The following CMIP variants were observed in gnomAD, a reference collection of about 807,000 sequenced individuals.
CMIP encodes the protein C-Maf-inducing protein.
In CMIP, 13 loss-of-function variants were observed where a neutral mutation model predicts 97.3. The observed-to-expected ratio is 0.13, with a 90% confidence interval of 0.09 to 0.21. The LOEUF (loss-of-function observed/expected upper bound fraction) is 0.21. Ranked by LOEUF, CMIP falls within the 10% of genes least tolerant of loss-of-function variation. CMIP has a pLI of 1.00. For missense variants in CMIP, 847 were observed against 1,024.9 expected, an observed-to-expected ratio of 0.83 and a Z score of 2.37; for synonymous variants, 538 against 436.3, an observed-to-expected ratio of 1.23 and a Z score of -2.91.
chr16:81,630,043 C>T (rs2092132803), intron 3 of CMIP: 1 of 152,246 alleles, frequency 6.6e-6, no homozygotes, highest in South Asian at 2.1e-4. Flanking sequence ...CGCTTCAGGG[C>T]CAGACTGCCC....
intron 3 of CMIP, among the ~76,000 whole-genome samples, chr16:81,643,959 G>C (rs749687610): frequency 6.6e-6 from 1 of 152,120 alleles, no homozygotes; most frequent in African/African-American, 2.4e-5. Flanking sequence ...TAAAGCCCCT[G>C]TGTGATTCCC....
At chr16:81,598,953 A>T (rs1597131681) in intron 1 of CMIP, among the ~76,000 whole-genome samples, 2 of 139,702 alleles carry the variant, frequency 1.4e-5, no homozygotes, top group African/African-American at 5.6e-5. Flanking sequence ...TGAGTGACAG[A>T]GCAAGACTCT....
rs917679288 is a variant in CMIP, at chr16:81,704,013, T to C, written c.2019T>C (p.Asn673=). 4.4e-6 allele frequency: 7 copies of C among 1,604,700 alleles called. No homozygotes were observed. Among genetic ancestry groups the C allele is most frequent in the African/African-American group, 1.3e-5 (1 of 74,494 alleles). ...NLENLSLAFT[N]VTSACAEHLI... ...AGAACCTCAGTTTGGCCTTCACCAA[T>C]GTAACCAGTGCCTGCGCCGAGCACC... is the stretch of plus-strand genomic sequence containing the variant. Residue 673 remains asparagine (N), a synonymous_variant, in exon 18 of 21, where the codon AAT becomes AAC. Transcript: ENST00000537098.
Position 81,452,864 on chromosome 16 carries a change from CTTTTGTTTTTTTTTTG to C in CMIP, c.300+7339_300+7354del, listed in dbSNP as rs1332868587. Among the ~76,000 whole-genome samples the C allele has an allele frequency of 2.7e-3, 328 of 122,454 alleles. 4 individuals carry two copies. Among genetic ancestry groups the C allele is most frequent in the Non-Finnish European group, 4.4e-3 (250 of 57,162 alleles). The allele number at this position is 122,454 out of a possible 152,430, so 80.3% of individuals were successfully genotyped here. ...CTTTTGCTTCTGTTGTGTGTTTTTT[CTTTTGTTTTTTTTTTG>C]TTTTGTTTTTTTTTTTTTTTTTTTG... On this transcript the variant is annotated intron_variant, in intron 1 of 20. Transcript: ENST00000537098.
At chr16:81,457,855 G>C (rs543770553) in intron 1 of CMIP, among the ~76,000 whole-genome samples, 1 of 152,188 alleles carries the variant, frequency 6.6e-6, no homozygotes, top group African/African-American at 2.4e-5. Context: ...GCCAAGAGCC[G>C]GTGGGCCACG....
At chr16:81,563,606 G>C (rs1245039913) in intron 1 of CMIP, among the ~76,000 whole-genome samples, 1 of 152,190 alleles carries the variant, frequency 6.6e-6, no homozygotes, top group Non-Finnish European at 1.5e-5. Context: ...GGTGTGGACT[G>C]AGCAAGGTGG....
At chr16:81,585,607 A>G (rs898850654) in intron 1 of CMIP, among the ~76,000 whole-genome samples, 1 of 152,198 alleles carries the variant, frequency 6.6e-6, no homozygotes, top group African/African-American at 2.4e-5. Flanking sequence ...ATTTAGGATC[A>G]CATTTTCAAG....
intron 1 of CMIP, among the ~76,000 whole-genome samples, chr16:81,546,024 C>T (rs1450308376): frequency 2.0e-5 from 3 of 152,082 alleles, no homozygotes; most frequent in South Asian, 2.1e-4. Flanking sequence ...ACGCAAATGG[C>T]GCTCGCTGTG....
chr16:81,575,712 G>C (rs778128535), intron 1 of CMIP, among the ~76,000 whole-genome samples: 1 of 152,190 alleles, frequency 6.6e-6, no homozygotes, highest in Non-Finnish European at 1.5e-5. Context: ...TAAACGTTGC[G>C]TGTTTGGGAG....
At chr16:81,513,686 C>G (rs535357612) in intron 1 of CMIP, among the ~76,000 whole-genome samples, 4 of 152,224 alleles carry the variant, frequency 2.6e-5, no homozygotes, top group African/African-American at 7.2e-5. Context: ...TCAGATGGGT[C>G]AATTCCCAGA....
intron 1 of CMIP, among the ~76,000 whole-genome samples, chr16:81,480,570 A>G (rs1908198081): frequency 1.3e-5 from 2 of 152,144 alleles, no homozygotes; most frequent in Admixed American, 1.3e-4. Flanking sequence ...ACCTGAGTCC[A>G]AAGCCCTGAC....
At chr16:81,459,774 C>T (rs1179734181) in intron 1 of CMIP, among the ~76,000 whole-genome samples, 1 of 152,228 alleles carries the variant, frequency 6.6e-6, no homozygotes, top group East Asian at 1.9e-4. Flanking sequence ...TTTGATCCCC[C>T]ACTCGGGTCT....
intron 9 of CMIP, among the ~76,000 whole-genome samples, chr16:81,672,285 C>T (rs2092690025): frequency 6.6e-6 from 1 of 152,262 alleles, no homozygotes; most frequent in African/African-American, 2.4e-5. Flanking sequence ...TGAATCAGCA[C>T]CGCAACTGCA....
chr16:81,652,403 T>C lies in CMIP; in HGVS notation c.639+39T>C. The C allele has an allele frequency of 6.4e-7, 1 of 1,562,144 alleles. No homozygotes were observed. The highest frequency in any genetic ancestry group is 8.7e-7 in the Non-Finnish European group (1 of 1,143,364). ...CCTGGACCCCTTTACATTGTTTGCC[T>C]TTCCCTCCACCGATCACCGGCTCCA... On this transcript the variant is annotated intron_variant, in intron 4 of 20. Transcript: ENST00000537098. The surrounding 1 kb of genome is among the most constrained non-coding windows in gnomAD (Gnocchi z 5.2).
chr16:81,706,916 GC>G, intron 19 of CMIP, 97 bp from the exon 20 acceptor site: 1 of 969,374 alleles, frequency 1.0e-6, no homozygotes. Flanking sequence ...CTAACAGGGG[GC>G]CTGGCACCTG....
At chr16:81,533,490 T>A (rs945834293) in intron 1 of CMIP, among the ~76,000 whole-genome samples, 2 of 152,232 alleles carry the variant, frequency 1.3e-5, no homozygotes, top group Admixed American at 1.3e-4. Context: ...TTTATTTTTA[T>A]TTTTTTGAGA....
intron 3 of CMIP, among the ~76,000 whole-genome samples, chr16:81,640,222 G>A (rs1421162375): frequency 6.6e-6 from 1 of 151,952 alleles, no homozygotes. Context: ...GGCTGGAGGC[G>A]GGCCTTAGGG....
intron 1 of CMIP, among the ~76,000 whole-genome samples, chr16:81,555,854 C>G (rs2090752291): frequency 6.6e-6 from 1 of 152,178 alleles, no homozygotes; most frequent in Non-Finnish European, 1.5e-5. Context: ...TGATTTTTCT[C>G]CCTGAACCTC....
chr16:81,686,532 G>A (rs1017798601), intron 10 of CMIP, among the ~76,000 whole-genome samples: 4 of 152,204 alleles, frequency 2.6e-5, no homozygotes, highest in Non-Finnish European at 5.9e-5. Context: ...GAGCAAGTCG[G>A]GTAGGCAGTG....
Sources: allele counts gnomAD v4.1 joint callset (sites outside exome capture counted in the v4.1 genomes callset), GRCh38; gene constraint gnomAD v4.1.1; non-coding constraint Gnocchi (gnomAD v3.1); transcripts MANE v1.5; gene names NCBI Gene and HGNC (gene_info 2026-07-23, HGNC 2026-07-21).